ATP2C2: variants seen among roughly 807,000 people sequenced by gnomAD.
The protein encoded by ATP2C2 is calcium-transporting ATPase type 2C member 2.
In ATP2C2, 171 loss-of-function variants were observed where a neutral mutation model predicts 110.8. That is an observed-to-expected ratio of 1.54 (90% confidence interval 1.36 to 1.75). ATP2C2 has a LOEUF of 1.75. Ranked by LOEUF, ATP2C2 falls within the 40% of genes most tolerant of loss-of-function variation. The probability of loss-of-function intolerance (pLI) is 0.00; values close to 1 mark genes in which losing one functional copy is unlikely to be tolerated. For missense variants in ATP2C2, 1,963 were observed against 1,235.0 expected, an observed-to-expected ratio of 1.59 and a Z score of -8.84; for synonymous variants, 804 against 508.4, an observed-to-expected ratio of 1.58 and a Z score of -7.82.
chr16:84,429,435 G>A lies in ATP2C2; in HGVS notation c.986+3634G>A, dbSNP rs8055177. ...CCCAAAGTGCTGGGATTACAGGTGT[G>A]AGCCAGTGCTTCCAGCCTTCGTGGA... is the stretch of plus-strand genomic sequence containing the variant. On this transcript the variant is annotated intron_variant, in intron 11 of 26. Transcript: ENST00000262429. 5.8e-3 allele frequency among the ~76,000 whole-genome samples: 883 copies of A among 152,340 alleles called. 13 individuals are homozygous for A. Among genetic ancestry groups the A allele is most frequent in the African/African-American group, 0.021 (854 of 41,554 alleles).
rs367889868 is a variant in ATP2C2, at chr16:84,447,412, C to A, written c.1503+982C>A. On this transcript the variant is annotated intron_variant, in intron 16 of 26. Transcript: ENST00000262429. ...CATAAAAATGAAAGCTTCTTTCATT[C>A]CACCCTTCTTCCCTCCCTCCCCACC... Among the ~76,000 whole-genome samples, 8 of 151,532 alleles carry A rather than the reference C, an allele frequency of 5.3e-5. No individual in the cohort carries two copies. The South Asian group carries it at 1.7e-3, about 31-fold the overall frequency.
chr16:84,372,729 T>A (rs931257544), intron 1 of ATP2C2, among the ~76,000 whole-genome samples: 1 of 152,000 alleles, frequency 6.6e-6, no homozygotes, highest in African/African-American at 2.4e-5. Flanking sequence ...TGGCCAGTGT[T>A]GTCTTAAATG....
chr16:84,399,179 A>T (rs1905171379), intron 2 of ATP2C2, among the ~76,000 whole-genome samples: 1 of 152,226 alleles, frequency 6.6e-6, no homozygotes. Context: ...CATACTCAGA[A>T]CCACTACATT....
intron 6 of ATP2C2, among the ~76,000 whole-genome samples, chr16:84,414,264 T>C (rs1354907649): frequency 6.6e-6 from 1 of 152,098 alleles, no homozygotes; most frequent in Non-Finnish European, 1.5e-5. Flanking sequence ...TATTGTCTCA[T>C]AGCCAGGGAT....
At chr16:84,455,779 CTTA>C (rs1454687164) in intron 21 of ATP2C2, among the ~76,000 whole-genome samples, 3 of 149,574 alleles carry the variant, frequency 2.0e-5, no homozygotes, top group African/African-American at 4.9e-5. Context: ...ATAGATAGCT[CTTA>C]TTATTTTGAA....
intron 7 of ATP2C2, among the ~76,000 whole-genome samples, chr16:84,416,236 C>A (rs145106429): frequency 6.6e-6 from 1 of 152,286 alleles, no homozygotes; most frequent in African/African-American, 2.4e-5. Flanking sequence ...CTCTGGGTGT[C>A]ACAGCTTCAC....
intron 23 of ATP2C2, chr16:84,460,267 G>A (rs952424477): frequency 6.1e-5 from 18 of 295,178 alleles, no homozygotes; most frequent in African/African-American, 3.9e-4. Flanking sequence ...GTGTGGAGTT[G>A]GCTGGAGGCT....
chr16:84,401,120 A>G (rs748346709), intron 2 of ATP2C2, among the ~76,000 whole-genome samples: 2 of 151,272 alleles, frequency 1.3e-5, no homozygotes, highest in African/African-American at 2.4e-5. Flanking sequence ...TGCTTGTAGT[A>G]TATTACTCAA....
chr16:84,370,089 CTGG>C (rs1470603807), intron 1 of ATP2C2, among the ~76,000 whole-genome samples: 4 of 152,228 alleles, frequency 2.6e-5, no homozygotes, highest in African/African-American at 9.6e-5. Context: ...TCAAACTCTC[CTGG>C]TGTGTAGTTG....
intron 2 of ATP2C2, among the ~76,000 whole-genome samples, chr16:84,398,929 G>C (rs1327668142): frequency 6.6e-6 from 1 of 152,230 alleles, no homozygotes; most frequent in Non-Finnish European, 1.5e-5. Context: ...ACAGAAAGTA[G>C]CACAGTCCAG....
At chr16:84,440,585 G>A (rs1372375761) in intron 13 of ATP2C2, among the ~76,000 whole-genome samples, 1 of 152,224 alleles carries the variant, frequency 6.6e-6, no homozygotes, top group Non-Finnish European at 1.5e-5. Flanking sequence ...ACTCTTCTAT[G>A]CTAGTTCTTA....
At chr16:84,394,421 T>G (rs1202356976) in intron 1 of ATP2C2, among the ~76,000 whole-genome samples, 1 of 152,112 alleles carries the variant, frequency 6.6e-6, no homozygotes, top group Non-Finnish European at 1.5e-5. Flanking sequence ...TCCCGGGCCT[T>G]TCCTATGAGT....
At chr16:84,396,889 G>T (rs551244432) in intron 1 of ATP2C2, among the ~76,000 whole-genome samples, 1 of 151,922 alleles carries the variant, frequency 6.6e-6, no homozygotes, top group Non-Finnish European at 1.5e-5. Context: ...AGAAGCAGCC[G>T]CATGAAACCG....
chr16:84,375,470 G>A (rs185827980), intron 1 of ATP2C2, among the ~76,000 whole-genome samples: 1 of 151,836 alleles, frequency 6.6e-6, no homozygotes, highest in Non-Finnish European at 1.5e-5. Flanking sequence ...GAATCGGGGA[G>A]GCACATGTTG....
intron 3 of ATP2C2, 139 bp downstream of exon 3, chr16:84,405,383 A>G (rs1362730617): frequency 5.6e-6 from 4 of 709,608 alleles, no homozygotes; most frequent in South Asian, 3.7e-5. Context: ...CAGCCTGAGC[A>G]TCAGTCATGA....
chr16:84,395,226 C>T (rs966117655), intron 1 of ATP2C2, among the ~76,000 whole-genome samples: 1 of 152,006 alleles, frequency 6.6e-6, no homozygotes, highest in African/African-American at 2.4e-5. Context: ...GACTCTGCCC[C>T]TGCAGTCACA....
At chr16:84,412,534 CTGTGTGTGTATGCG>C (rs1567705502) in intron 6 of ATP2C2, among the ~76,000 whole-genome samples, 1 of 126,686 alleles carries the variant, frequency 7.9e-6, no homozygotes, top group African/African-American at 3.2e-5. Flanking sequence ...GTGCATGTGT[CTGTGTGTGTATGCG>C]TGTGTGTGTG....
rs370515595 is a variant in ATP2C2 at position 84,462,125 on chromosome 16, G to A, written c.2718G>A (p.Ala906=). 66 of 1,612,708 alleles carry A rather than the reference G, an allele frequency of 4.1e-5. No homozygotes were observed. The African/African-American group carries it at 6.8e-4, about 17-fold the overall frequency. The change falls in exon 26 of 27, where the codon GCG becomes GCA. Residue 906 remains alanine, a synonymous_variant. Coordinates refer to ENST00000262429, the MANE Select transcript of ATP2C2 (RefSeq NM_014861.4). ...TCTTCCAGACGGAGAACCTGGGAGCGCTTGGTGAGTGGTGGGGACGGGAAC... is the reference window on the plus strand; with the variant it reads ...TCTTCCAGACGGAGAACCTGGGAGCACTTGGTGAGTGGTGGGGACGGGAAC... The part of the protein sequence containing the change: ...QRVFQTENLG[A]LDLLFLTGLA...
rs549153020 is a variant in ATP2C2, at chr16:84,383,891, G to A, written c.100-14608G>A. 2.7e-5 allele frequency among the ~76,000 whole-genome samples: 4 copies of A among 147,082 alleles called. No homozygotes were observed. In the East Asian group the frequency reaches 8.5e-4, roughly 31 times the overall value. The stretch of plus-strand genomic sequence containing the variant: ...TGCAGCATCCAACTCTCAGGCTCAA[G>A]CGATCCTCCAACCTCAGCCTCCCCA... On this transcript the variant is annotated intron_variant, in intron 1 of 26. Transcript: ENST00000262429.
Sources: allele counts gnomAD v4.1 joint callset (sites outside exome capture counted in the v4.1 genomes callset), GRCh38; gene constraint gnomAD v4.1.1; transcripts MANE v1.5; gene names NCBI Gene and HGNC (gene_info 2026-07-23, HGNC 2026-07-21).